The following MGAT5B variants were observed in gnomAD, a reference collection of about 807,000 sequenced individuals.
The protein encoded by MGAT5B is alpha-1,6-mannosylglycoprotein 6-beta-N-acetylglucosaminyltransferase B.
In MGAT5B, 54 loss-of-function variants were observed where a neutral mutation model predicts 95.1. The ratio of observed to expected loss-of-function variants is 0.57; its 90% CI spans 0.46 to 0.71. The LOEUF (loss-of-function observed/expected upper bound fraction) is 0.71. Ranked by LOEUF, MGAT5B falls within the 30% of genes least tolerant of loss-of-function variation. The pLI is 0.00. For missense variants in MGAT5B, 935 were observed against 1,088.6 expected (o/e 0.86, Z 1.99); for synonymous variants, 464 against 451.0 (o/e 1.03, Z -0.36).
chr17:76,903,407 C>T (rs946362316), intron 5 of MGAT5B, 31 bp downstream of exon 5: 1 of 1,582,338 alleles, frequency 6.3e-7, no homozygotes, highest in Admixed American at 1.7e-5. Flanking sequence ...GTGGGGATGT[C>T]TACAGCTAGG....
At chr17:76,904,593 T>C (rs1159172125) in intron 6 of MGAT5B, among the ~76,000 whole-genome samples, 171 bp downstream of exon 6, 1 of 152,236 alleles carries the variant, frequency 6.6e-6, no homozygotes, top group African/African-American at 2.4e-5. Context: ...TGCCAAGGCC[T>C]GTCTGCCTTC....
At chr17:76,882,103 T>G (rs1309335730) in intron 2 of MGAT5B, 48 bp from the exon 3 acceptor site, 1 of 1,552,818 alleles carries the variant, frequency 6.4e-7, no homozygotes, top group East Asian at 2.3e-5. Context: ...CCAGGTGGCC[T>G]CCAGGCTGCT....
At chr17:76,919,633 G>A (rs1969060973) in intron 8 of MGAT5B, among the ~76,000 whole-genome samples, 1 of 152,194 alleles carries the variant, frequency 6.6e-6, no homozygotes. Context: ...GTTTCGCCAT[G>A]TCATCCAGGC....
intron 2 of MGAT5B, among the ~76,000 whole-genome samples, chr17:76,879,104 GC>G (rs1203212362): frequency 6.6e-6 from 1 of 152,164 alleles, no homozygotes; most frequent in East Asian, 1.9e-4. Context: ...ATAGTTTTTG[GC>G]CCATCATCTG....
Position 76,869,014 on chromosome 17 carries a change from C to G in MGAT5B, c.-16C>G. On this transcript the variant is annotated 5_prime_UTR_variant, in exon 1 of 18. Transcript: ENST00000569840. This position sits in a 1 kb window ranked among gnomAD's most constrained non-coding sequence, Gnocchi z 7.0. ...CCGGCCTCGCCCGCGGCTGCTCGCA[C>G]CAACAAGTTTGAACAATGATCACCG... is the stretch of plus-strand genomic sequence containing the variant. 2 of 1,613,666 alleles carry G rather than the reference C, an allele frequency of 1.2e-6. No individual in the cohort carries two copies. Among genetic ancestry groups the G allele is most frequent in the South Asian group, 2.2e-5 (2 of 91,074 alleles).
At chr17:76,892,279 C>T (rs1267578073) in intron 3 of MGAT5B, among the ~76,000 whole-genome samples, 1 of 152,208 alleles carries the variant, frequency 6.6e-6, no homozygotes, top group Non-Finnish European at 1.5e-5. Flanking sequence ...AACACCTGAC[C>T]TCAGGTGATC....
At chr17:76,921,316 G>A (rs1969117181) in intron 8 of MGAT5B, among the ~76,000 whole-genome samples, 2 of 152,190 alleles carry the variant, frequency 1.3e-5, no homozygotes, top group Admixed American at 6.5e-5. Context: ...TCGCACACTG[G>A]TGACAGCTGC....
chr17:76,878,721 C>T (rs952307100), intron 2 of MGAT5B, among the ~76,000 whole-genome samples: 1 of 152,220 alleles, frequency 6.6e-6, no homozygotes. Context: ...CCAATCCATC[C>T]ACCTTGGCCT....
intron 8 of MGAT5B, among the ~76,000 whole-genome samples, chr17:76,910,486 C>T (rs1441855567): frequency 2.0e-5 from 3 of 152,242 alleles, no homozygotes; most frequent in African/African-American, 7.2e-5. Context: ...CATGCACACT[C>T]ATGGACACAT....
chr17:76,922,518 A>G (rs1486167114), intron 8 of MGAT5B, among the ~76,000 whole-genome samples: 1 of 152,214 alleles, frequency 6.6e-6, no homozygotes, highest in Non-Finnish European at 1.5e-5. Context: ...AACAACAGGG[A>G]TGTCTTGCAG....
rs1282277480 is a variant in MGAT5B at position 76,905,185 on chromosome 17, A to G, written c.707A>G (p.Asn236Ser). ...LPKVQAVFRS[N>S]LSHLLDLMGS... ...CCCCTCCAGGCAGTTTTCCGAAGCA[A>G]CCTGTCCCACCTTCTGGACCTGATG... Residue 236 changes from asparagine to serine, a missense_variant, in exon 7 of 18, where the codon AAC becomes AGC. Coordinates refer to ENST00000569840, the MANE Select transcript of MGAT5B (RefSeq NM_001199172.2). The surrounding 1 kb of genome is among the most constrained non-coding windows in gnomAD (Gnocchi z 4.2). 6.2e-7 allele frequency: 1 copy of G among 1,611,218 alleles called. No individual in the cohort carries two copies. Among genetic ancestry groups the G allele is most frequent in the East Asian group, 2.2e-5 (1 of 44,768 alleles).
At chr17:76,895,503 T>C (rs1028978408) in intron 3 of MGAT5B, among the ~76,000 whole-genome samples, 2 of 152,130 alleles carry the variant, frequency 1.3e-5, no homozygotes, top group Non-Finnish European at 2.9e-5. Flanking sequence ...TTCACAGTTC[T>C]GGAGGCCAGA....
At chr17:76,910,271 A>G (rs930230847) in intron 8 of MGAT5B, among the ~76,000 whole-genome samples, 2 of 152,228 alleles carry the variant, frequency 1.3e-5, no homozygotes, top group Non-Finnish European at 2.9e-5. Context: ...ACTGCTGCAC[A>G]CTAAACTGTC....
intron 10 of MGAT5B, among the ~76,000 whole-genome samples, chr17:76,927,054 C>T (rs546004024): frequency 6.6e-6 from 1 of 152,250 alleles, no homozygotes; most frequent in African/African-American, 2.4e-5. Context: ...CGCGGCCTTC[C>T]AGAAAGAGAG....
At position 76,906,080 on chromosome 17, in the gene MGAT5B, G is replaced by A; in HGVS notation, c.918G>A (p.Leu306=). ...GGGACGTGTTCAGCCCTCGGGTCCT[G>A]AAGGGCGGGCCCCTAGGGGAGATGG... ...ESGDVFSPRV[L]KGGPLGEMVQ... is the part of the protein sequence containing the mutation. The change falls in exon 8 of 18, where the codon CTG becomes CTA. Residue 306 remains leucine, a synonymous_variant. Transcript: ENST00000569840. This position sits in a 1 kb window ranked among gnomAD's most constrained non-coding sequence, Gnocchi z 4.6. The A allele has an allele frequency of 6.2e-7, 1 of 1,609,404 alleles. No individual in the cohort carries two copies. Among genetic ancestry groups the A allele is most frequent in the Non-Finnish European group, 8.5e-7 (1 of 1,178,068 alleles).
At chr17:76,876,051 C>A (rs955303625) in intron 2 of MGAT5B, among the ~76,000 whole-genome samples, 1 of 152,128 alleles carries the variant, frequency 6.6e-6, no homozygotes, top group Non-Finnish European at 1.5e-5. Context: ...CTCGCATTGT[C>A]CTCCATGATT....
chr17:76,887,318 A>G (rs771722), intron 3 of MGAT5B, among the ~76,000 whole-genome samples: 72,507 of 151,504 alleles, frequency 0.48, 22,200 homozygotes, highest in African/African-American at 0.84. Context: ...CACTTGCCCC[A>G]TCCCTCAGCA....
At chr17:76,941,268 C>T (rs769672291) in intron 15 of MGAT5B, among the ~76,000 whole-genome samples, 61 of 152,350 alleles carry the variant, frequency 4.0e-4, no homozygotes, top group Non-Finnish European at 7.2e-4. Context: ...GCATACAGAG[C>T]GTCTGTTAAT....
At position 76,912,266 on chromosome 17, in the gene MGAT5B, C is replaced by A. The variant is rs2145208149; in HGVS notation, c.1025+6079C>A. On this transcript the variant is annotated intron_variant, in intron 8 of 17. Transcript: ENST00000569840. The surrounding 1 kb of genome is among the most constrained non-coding windows in gnomAD (Gnocchi z 5.0). ...ACAATGTAAACCCATAATAAGATGG[C>A]AACCACTGGGGGGCCCTGGGCAGAG... Among the ~76,000 whole-genome samples, 1 of 152,270 alleles carries A rather than the reference C, an allele frequency of 6.6e-6. No homozygotes were observed. Among genetic ancestry groups the A allele is most frequent in the Non-Finnish European group, 1.5e-5 (1 of 68,006 alleles).
Sources: gnomAD v4.1 joint callset for allele counts (sites outside exome capture counted in the v4.1 genomes callset) on GRCh38, gnomAD v4.1.1 for gene constraint, Gnocchi (gnomAD v3.1) non-coding constraint, MANE v1.5 for transcripts, NCBI Gene and HGNC (gene_info 2026-07-23, HGNC 2026-07-21) for gene names.